PRRX2: variants seen among roughly 807,000 people sequenced by gnomAD.
The protein encoded by PRRX2 is paired mesoderm homeobox protein 2.
A neutral mutation model predicts 18.0 loss-of-function variants in PRRX2; 11 were observed. That is an observed-to-expected ratio of 0.61 (90% CI 0.39 to 1.01). The LOEUF is 1.01. Among genes scored for constraint, PRRX2 ranks in the 50% least tolerant of loss-of-function variants. The pLI, the probability that PRRX2 is intolerant of heterozygous loss-of-function variation, is 0.01. For missense variants in PRRX2, 387 were observed against 351.0 expected, an observed-to-expected ratio of 1.10 and a Z score of -0.82; for synonymous variants, 177 against 154.8, an observed-to-expected ratio of 1.14 and a Z score of -1.06.
intron 2 of PRRX2, among the ~76,000 whole-genome samples, chr9:129,719,730 T>C (rs1832764742): frequency 6.6e-6 from 1 of 152,254 alleles, no homozygotes; most frequent in Non-Finnish European, 1.5e-5. Flanking sequence ...CTTATGCCTA[T>C]AATCCCAGCA....
intron 1 of PRRX2, among the ~76,000 whole-genome samples, chr9:129,681,231 G>T (rs1424890571): frequency 2.0e-5 from 3 of 152,218 alleles, no homozygotes; most frequent in Non-Finnish European, 2.9e-5. Flanking sequence ...CAGAGAGCAG[G>T]TTCCCTGGTT....
chr9:129,690,656 G>A (rs1412348457), intron 1 of PRRX2, among the ~76,000 whole-genome samples: 1 of 151,970 alleles, frequency 6.6e-6, no homozygotes, highest in East Asian at 1.9e-4. Flanking sequence ...ACAGATGCCT[G>A]CCACCACTTC....
At chr9:129,719,982 G>A (rs1832767653) in intron 2 of PRRX2, among the ~76,000 whole-genome samples, 1 of 148,664 alleles carries the variant, frequency 6.7e-6, no homozygotes, top group Non-Finnish European at 1.5e-5. Context: ...GTGAGACCCT[G>A]TCTCAATAAA....
chr9:129,690,298 T>C (rs1832346178), intron 1 of PRRX2, among the ~76,000 whole-genome samples: 1 of 152,084 alleles, frequency 6.6e-6, no homozygotes, highest in Admixed American at 6.6e-5. Context: ...CTTTTGAGGG[T>C]AACAACTCAC....
chr9:129,698,770 G>A (rs1286385518), intron 1 of PRRX2, among the ~76,000 whole-genome samples: 2 of 152,160 alleles, frequency 1.3e-5, no homozygotes, highest in South Asian at 2.1e-4. Context: ...AGAGAGGAGC[G>A]GTCACAGGCT....
intron 1 of PRRX2, among the ~76,000 whole-genome samples, chr9:129,678,194 C>T (rs924045646): frequency 1.3e-5 from 2 of 152,012 alleles, no homozygotes; most frequent in Admixed American, 1.3e-4. Context: ...GAACTCCTGG[C>T]CTCAGGTGAT....
chr9:129,666,209 G>A, intron 1 of PRRX2, 83 bp downstream of exon 1: 2 of 950,896 alleles, frequency 2.1e-6, no homozygotes, highest in Non-Finnish European at 2.5e-6. Context: ...GAGCCGGCGC[G>A]GGGCGGGCGA....
chr9:129,680,413 A>AAG (rs1832212784), intron 1 of PRRX2, among the ~76,000 whole-genome samples: 2 of 130,898 alleles, frequency 1.5e-5, no homozygotes, highest in Non-Finnish European at 3.1e-5. Flanking sequence ...AAAAAAAAAA[A>AAG]AAAGAAAAGA....
rs766838695 is a variant in PRRX2 at position 129,719,392 on chromosome 9, G to C, written c.421G>C (p.Val141Leu). The part of the protein sequence containing the change: ...AFVREELARR[V>L]NLSEARVQVW... Reference sequence around the variant, plus strand: ...TGTGCGCGAGGAGCTTGCCCGGCGCGTCAACCTCAGCGAGGCGCGCGTTCA... The same window carrying C: ...TGTGCGCGAGGAGCTTGCCCGGCGCCTCAACCTCAGCGAGGCGCGCGTTCA... The change falls in exon 2 of 4, where the codon GTC becomes CTC. Residue 141 changes from valine to leucine, a missense_variant. Transcript: ENST00000372469. The C allele has an allele frequency of 1.3e-6, 2 of 1,547,230 alleles. No individual in the cohort carries two copies. The highest frequency in any genetic ancestry group is 2.7e-5 in the African/African-American group (2 of 73,040).
intron 1 of PRRX2, among the ~76,000 whole-genome samples, chr9:129,714,528 C>G (rs1832678521): frequency 6.6e-6 from 1 of 152,190 alleles, no homozygotes; most frequent in South Asian, 2.1e-4. Context: ...CCGGCTCTGG[C>G]TGAGCGCATC....
intron 1 of PRRX2, among the ~76,000 whole-genome samples, chr9:129,679,900 C>T (rs1037059036): frequency 2.0e-5 from 3 of 152,134 alleles, no homozygotes; most frequent in Admixed American, 6.6e-5. Context: ...GGGAGTGGCC[C>T]GGCTCTGCTG....
intron 1 of PRRX2, among the ~76,000 whole-genome samples, chr9:129,705,315 C>T (rs1460423630): frequency 2.0e-5 from 3 of 152,186 alleles, no homozygotes; most frequent in Non-Finnish European, 4.4e-5. Flanking sequence ...GCTAGGGCCA[C>T]GCTGGGGAGC....
At position 129,722,440 on chromosome 9, in the gene PRRX2, A is replaced by T. The variant is rs1459486640; in HGVS notation, c.*88A>T. 6 of 1,499,522 alleles carry T rather than the reference A, an allele frequency of 4.0e-6. No individual in the cohort carries two copies. Among genetic ancestry groups the T allele is most frequent in the Non-Finnish European group, 5.4e-6 (6 of 1,113,044 alleles). The allele number at this position is 1,499,522 out of a possible 1,614,324, so 92.9% of individuals were successfully genotyped here. On this transcript the variant is annotated 3_prime_UTR_variant, in exon 4 of 4. Transcript: ENST00000372469. ...CGCCCAGGAAGTGACCTTCTCCTGGATGAGCTCTCCTGGCCCGTCTGTCCA... is the reference window on the plus strand; with the variant it reads ...CGCCCAGGAAGTGACCTTCTCCTGGTTGAGCTCTCCTGGCCCGTCTGTCCA...
Position 129,671,946 on chromosome 9 carries a change from AG to A in PRRX2, c.259+5824del, listed in dbSNP as rs1832105163. ...CTTGTTGGGGACTAAAGCGGGTGGG[AG>A]GGGAGGGGCAGCACGGAACGGGCTC... On this transcript the variant is annotated intron_variant, in intron 1 of 3. Coordinates refer to ENST00000372469, the MANE Select transcript of PRRX2 (RefSeq NM_016307.4). This position sits in a 1 kb window ranked among gnomAD's most constrained non-coding sequence, Gnocchi z 4.0. Among the ~76,000 whole-genome samples the A allele has an allele frequency of 1.3e-5, 1 of 79,342 alleles. No individual in the cohort carries two copies. 52.1% of individuals were successfully genotyped at this position (79,342 alleles called of 152,430 possible). A position where few individuals can be genotyped will look rare whatever the true frequency, so the allele number is the denominator to read the frequency against.
intron 1 of PRRX2, among the ~76,000 whole-genome samples, chr9:129,702,095 C>T (rs550018981): frequency 4.0e-4 from 60 of 150,354 alleles, no homozygotes; most frequent in African/African-American, 1.3e-3. Flanking sequence ...AGTGAAACTC[C>T]GTCTCAAAAC....
intron 1 of PRRX2, among the ~76,000 whole-genome samples, chr9:129,684,142 C>T (rs1832266831): frequency 6.6e-6 from 1 of 152,146 alleles, no homozygotes; most frequent in African/African-American, 2.4e-5. Flanking sequence ...GGAGTGGGAG[C>T]CACACTACTC....
Position 129,695,273 on chromosome 9 carries a change from C to A in PRRX2, c.260-23958C>A, listed in dbSNP as rs545146073. On this transcript the variant is annotated intron_variant, in intron 1 of 3. Coordinates refer to ENST00000372469, the MANE Select transcript of PRRX2 (RefSeq NM_016307.4). The surrounding 1 kb of genome is among the most constrained non-coding windows in gnomAD (Gnocchi z 4.8). ...TCCAGAGGTTTCTGGCTAAGGGGGA[C>A]AGAGGAGAGGCCATGGAGGAGAAGG... is the stretch of plus-strand genomic sequence containing the variant. Among the ~76,000 whole-genome samples the A allele has an allele frequency of 2.0e-5, 3 of 152,068 alleles. No individual in the cohort carries two copies. The highest frequency in any genetic ancestry group is 4.4e-5 in the Non-Finnish European group (3 of 68,004).
At chr9:129,701,722 A>AC (rs1195638724) in intron 1 of PRRX2, among the ~76,000 whole-genome samples, 7 of 152,358 alleles carry the variant, frequency 4.6e-5, no homozygotes, top group African/African-American at 1.7e-4. Context: ...ATAGCTAGAT[A>AC]CATGTGGACA....
rs11791419 is a variant in PRRX2 at position 129,715,813 on chromosome 9, G to A, written c.260-3418G>A. 0.22 allele frequency among the ~76,000 whole-genome samples: 33,104 copies of A among 150,550 alleles called. 5,666 individuals are homozygous for A. Among genetic ancestry groups the A allele is most frequent in the African/African-American group, 0.47 (19,280 of 40,828 alleles). On this transcript the variant is annotated intron_variant, in intron 1 of 3. Coordinates refer to ENST00000372469, the MANE Select transcript of PRRX2 (RefSeq NM_016307.4). This position sits in a 1 kb window ranked among gnomAD's most constrained non-coding sequence, Gnocchi z 4.0. ...ACACACTCATTTACAGTCTCATGGAGCAATTTAACCTTACATCAAATCAGT... is the reference window on the plus strand; with the variant it reads ...ACACACTCATTTACAGTCTCATGGAACAATTTAACCTTACATCAAATCAGT...
Sources: allele counts gnomAD v4.1 joint callset (sites outside exome capture counted in the v4.1 genomes callset), GRCh38; gene constraint gnomAD v4.1.1; non-coding constraint Gnocchi (gnomAD v3.1); transcripts MANE v1.5; gene names NCBI Gene and HGNC (gene_info 2026-07-23, HGNC 2026-07-21).